The following HCLS1 variants were observed in gnomAD, a reference collection of about 807,000 sequenced individuals.
HCLS1 encodes hematopoietic lineage cell-specific protein.
In HCLS1, 44 loss-of-function variants were observed where a neutral mutation model predicts 68.6. The observed-to-expected ratio is 0.64, with a 90% CI of 0.50 to 0.82. HCLS1 has a LOEUF of 0.82. Among genes scored for constraint, HCLS1 ranks in the 40% least tolerant of loss-of-function variants. The pLI, the probability that HCLS1 is intolerant of heterozygous loss-of-function variation, is 0.00. For missense variants in HCLS1, 602 were observed against 612.1 expected (o/e 0.98, Z 0.17); for synonymous variants, 217 against 225.8 (o/e 0.96, Z 0.35).
chr3:121,644,145 T>C, intron 5 of HCLS1: 1 of 157,114 alleles, frequency 6.4e-6, no homozygotes, highest in Non-Finnish European at 1.4e-5. Context: ...TGTGTGCAGC[T>C]GCAGGGCAGG....
chr3:121,633,139 T>G lies in HCLS1; in HGVS notation c.936A>C (p.Ser312=). The stretch of plus-strand genomic sequence containing the variant: ...TGCTGGTTCTCACAGGCTCAGACTC[T>G]GATGATGGAGGAGTCCCAACTGGAG... ...AWPPVGTPPS[S]ESEPVRTSRE... The change falls in exon 11 of 14, where the codon TCA becomes TCC. Residue 312 remains serine, a synonymous_variant. Coordinates refer to ENST00000314583, the MANE Select transcript of HCLS1 (RefSeq NM_005335.6). 1 of 1,612,290 alleles carries G rather than the reference T, an allele frequency of 6.2e-7. No homozygotes were observed. Among genetic ancestry groups the G allele is most frequent in the Non-Finnish European group, 8.5e-7 (1 of 1,179,184 alleles).
At chr3:121,633,220 CCT>C (rs2049117473) in intron 10 of HCLS1, 49 bp from the exon 11 acceptor site, 7 of 1,231,430 alleles carry the variant, frequency 5.7e-6, no homozygotes, top group South Asian at 1.4e-5. Flanking sequence ...CATCTTCACT[CCT>C]TTTTTTTTTT....
Position 121,637,134 on chromosome 3 carries a change from A to T in HCLS1, c.565+12T>A. ...GCTATCTGTGACCTTCCCCCTTCCAACCCCAACTCACCTCTCTGGGACTCG... is the reference window on the plus strand; with the variant it reads ...GCTATCTGTGACCTTCCCCCTTCCATCCCCAACTCACCTCTCTGGGACTCG... On this transcript the variant is annotated intron_variant, in intron 7 of 13. Transcript: ENST00000314583. 1 of 1,579,802 alleles carries T rather than the reference A, an allele frequency of 6.3e-7. No homozygotes were observed.
chr3:121,648,307 G>A (rs1319282222), intron 3 of HCLS1, among the ~76,000 whole-genome samples: 1 of 152,076 alleles, frequency 6.6e-6, no homozygotes, highest in East Asian at 1.9e-4. Context: ...ACCAAAAAAG[G>A]CATTATCTTT....
At position 121,632,419 on chromosome 3, in the gene HCLS1, C is replaced by A. The variant is rs764855451; in HGVS notation, c.1153G>T (p.Asp385Tyr). The A allele has an allele frequency of 3.1e-6, 5 of 1,614,042 alleles. No individual in the cohort carries two copies. The Middle Eastern group carries it at 8.2e-4, about 266-fold the overall frequency. ...GGTTCATCCTCCTGCTCATGCCTGT[C>A]CATCTCCTCAACGTCCTCATAGTCA... ...ENDYEDVEEM[D>Y]RHEQEDEPEG... is the part of the protein sequence containing the mutation. The change falls in exon 12 of 14, where the codon GAC becomes TAC. Residue 385 changes from aspartate to tyrosine, a missense_variant. Coordinates refer to ENST00000314583, the MANE Select transcript of HCLS1 (RefSeq NM_005335.6).
chr3:121,648,198 A>T (rs1412683833), intron 3 of HCLS1, among the ~76,000 whole-genome samples: 1 of 152,148 alleles, frequency 6.6e-6, no homozygotes, highest in Non-Finnish European at 1.5e-5. Flanking sequence ...GACTAATGAA[A>T]ACTAACTAAG....
At chr3:121,645,855 T>C (rs1490799159) in intron 4 of HCLS1, among the ~76,000 whole-genome samples, 2 of 146,314 alleles carry the variant, frequency 1.4e-5, no homozygotes, top group African/African-American at 5.0e-5. Flanking sequence ...AAATATTATA[T>C]ACTATATATT....
chr3:121,637,228 G>A lies in HCLS1; in HGVS notation c.483C>T (p.Tyr161=), dbSNP rs919352133. 5 of 1,612,934 alleles carry A rather than the reference G, an allele frequency of 3.1e-6. No homozygotes were observed. Among genetic ancestry groups the A allele is most frequent in the African/African-American group, 1.3e-5 (1 of 74,770 alleles). The change falls in exon 7 of 14, where the codon TAC becomes TAT. Residue 161 remains tyrosine, a synonymous_variant. Transcript: ENST00000314583. The part of the protein sequence containing the change: ...KDYSRGFGGR[Y]GVEKDKWDKA... ...TGTCCCATTTATCCTTCTCCACCCC[G>A]TACCGGCCACCAAAGCCACGAGAGT...
In HCLS1 at chr3:121,632,336, C is replaced by G; in HGVS notation, c.1236G>C (p.Leu412=). 1 of 1,613,982 alleles carries G rather than the reference C, an allele frequency of 6.2e-7. No homozygotes were observed. Among genetic ancestry groups the G allele is most frequent in the South Asian group, 1.1e-5 (1 of 91,058 alleles). Reference sequence around the variant, plus strand: ...GCTTCTCCTCCCATCACTCACCAGCCAGAGCAGAAGAAAAAGAAGAATCTT... The same window carrying G: ...GCTTCTCCTCCCATCACTCACCAGCGAGAGCAGAAGAAAAAGAAGAATCTT... ...EPEDSSFSSA[L]AGSSGCPAGA... is the part of the protein sequence containing the mutation. Residue 412 remains leucine (L), a synonymous_variant, in exon 12 of 14, where the codon CTG becomes CTC. Transcript: ENST00000314583.
intron 3 of HCLS1, among the ~76,000 whole-genome samples, chr3:121,649,517 G>A (rs1331234382): frequency 1.3e-5 from 2 of 152,182 alleles, no homozygotes; most frequent in Non-Finnish European, 2.9e-5. Context: ...TTACAGGCGT[G>A]AGCCACCACG....
rs767167038 is a variant in HCLS1, at chr3:121,657,291, G to T, written c.146C>A (p.Thr49Lys). The change falls in exon 3 of 14, where the codon ACA becomes AAA. Residue 49 changes from threonine (T) to lysine (K), a missense_variant. Thr to Lys is a moderately conservative substitution (Grantham distance 78). Coordinates refer to ENST00000314583, the MANE Select transcript of HCLS1 (RefSeq NM_005335.6). ...TTTCGGCACCTACTTGATGTGTTCT[G>T]TGCGTCCAGACCCCTCGATGGTCTT... ...GAKTIEGSGR[T>K]EHINIHQLRN... 1.2e-6 allele frequency: 2 copies of T among 1,613,650 alleles called. No individual in the cohort carries two copies. Among genetic ancestry groups the T allele is most frequent in the Non-Finnish European group, 1.7e-6 (2 of 1,179,778 alleles).
chr3:121,634,875 T>A (rs1211660277), intron 9 of HCLS1, among the ~76,000 whole-genome samples: 1 of 152,138 alleles, frequency 6.6e-6, no homozygotes, highest in Non-Finnish European at 1.5e-5. Context: ...CAAGTGATTA[T>A]CCTACTTCAG....
In HCLS1 at chr3:121,657,286, G is replaced by T. The variant is rs544228256; in HGVS notation, c.151C>A (p.His51Asn). ...KTIEGSGRTEHINIHQLRNKV... is the reference protein window; with the variant it reads ...KTIEGSGRTENINIHQLRNKV... Reference sequence around the variant, plus strand: ...AGTCCTTTCGGCACCTACTTGATGTGTTCTGTGCGTCCAGACCCCTCGATG... The same window carrying T: ...AGTCCTTTCGGCACCTACTTGATGTTTTCTGTGCGTCCAGACCCCTCGATG... The change falls in exon 3 of 14, where the codon CAC becomes AAC. Residue 51 changes from histidine (H) to asparagine (N), a missense_variant. Physicochemically the swap from His to Asn is moderately conservative, Grantham distance 68. Coordinates refer to ENST00000314583, the MANE Select transcript of HCLS1 (RefSeq NM_005335.6). The T allele has an allele frequency of 3.5e-5, 57 of 1,613,596 alleles. No individual in the cohort carries two copies. The highest frequency in any genetic ancestry group is 4.6e-5 in the Non-Finnish European group (54 of 1,179,758).
chr3:121,653,935 T>C (rs1001259104), intron 3 of HCLS1: 1 of 152,178 alleles, frequency 6.6e-6, no homozygotes, highest in Non-Finnish European at 1.5e-5. Context: ...AGAATATGTG[T>C]TTAGAAACTT....
intron 2 of HCLS1, among the ~76,000 whole-genome samples, chr3:121,657,789 C>T (rs769983687): frequency 1.3e-5 from 2 of 151,976 alleles, no homozygotes; most frequent in Non-Finnish European, 2.9e-5. Flanking sequence ...ATTGCACCAC[C>T]GTACTCCAGC....
At chr3:121,638,782 A>G (rs2049172149) in intron 6 of HCLS1, among the ~76,000 whole-genome samples, 1 of 152,206 alleles carries the variant, frequency 6.6e-6, no homozygotes, top group African/African-American at 2.4e-5. Flanking sequence ...TCTAAGAGAC[A>G]AGAAAGACAT....
chr3:121,634,487 AG>A, intron 9 of HCLS1, 69 bp from the exon 10 acceptor site: 1 of 1,399,842 alleles, frequency 7.1e-7, no homozygotes, highest in Non-Finnish European at 1.0e-6. Flanking sequence ...TGGCACTTGA[AG>A]GAAGAAGGGG....
At chr3:121,637,843 G>A (rs2049164355) in intron 6 of HCLS1, among the ~76,000 whole-genome samples, 1 of 152,076 alleles carries the variant, frequency 6.6e-6, no homozygotes, top group Non-Finnish European at 1.5e-5. Flanking sequence ...GGCTGAGACA[G>A]GAGAGTCACT....
intron 3 of HCLS1, 144 bp downstream of exon 3, chr3:121,657,134 AG>A: frequency 1.5e-6 from 1 of 664,454 alleles, no homozygotes; most frequent in Non-Finnish European, 2.7e-6. Flanking sequence ...ACACAGGAAC[AG>A]ACTCTAGAAA....
Sources: allele counts gnomAD v4.1 joint callset (sites outside exome capture counted in the v4.1 genomes callset), GRCh38; gene constraint gnomAD v4.1.1; transcripts MANE v1.5; gene names NCBI Gene and HGNC (gene_info 2026-07-23, HGNC 2026-07-21).